Variants in BBX observed in about 807,000 individuals in gnomAD.
BBX encodes the protein HMG box transcription factor BBX.
BBX carries 30 observed loss-of-function variants against 100.2 expected under a neutral mutation model. That is an observed-to-expected ratio of 0.30 (90% CI 0.22 to 0.41). BBX has a LOEUF of 0.41. Among genes scored for constraint, BBX ranks in the 10% least tolerant of loss-of-function variants. The pLI is 1.00. For synonymous variants in BBX, 376 were observed against 388.1 expected (o/e 0.97, Z 0.37); for missense variants, 1,023 against 1,129.8 (o/e 0.91, Z 1.35).
At chr3:107,536,558 A>G (rs549666603) in intron 2 of BBX, among the ~76,000 whole-genome samples, 1 of 152,162 alleles carries the variant, frequency 6.6e-6, no homozygotes, top group Non-Finnish European at 1.5e-5. Context: ...CCTCCAAAAA[A>G]CACCATTCAC....
rs2067037386 is a variant in BBX, at chr3:107,773,122, C to G, written c.1401C>G (p.Ser467=). The change falls in exon 11 of 18, where the codon TCC becomes TCG. Residue 467 remains serine, a synonymous_variant. Transcript: ENST00000325805. This position sits in a 1 kb window ranked among gnomAD's most constrained non-coding sequence, Gnocchi z 4.1. ...TGGATCGACATGGAAATGATAAATC[C>G]ACACCCAAGAAGACTTGCAAAAAGA... ...SKMDRHGNDK[S]TPKKTCKKRQ... 1 of 1,613,744 alleles carries G rather than the reference C, an allele frequency of 6.2e-7. No homozygotes were observed. Among genetic ancestry groups the G allele is most frequent in the Non-Finnish European group, 8.5e-7 (1 of 1,179,966 alleles).
chr3:107,737,968 T>C (rs1414530425), intron 7 of BBX, among the ~76,000 whole-genome samples: 2 of 135,492 alleles, frequency 1.5e-5, no homozygotes, highest in East Asian at 5.0e-4. Context: ...AAAATTGAGA[T>C]CTGAAATGCT....
intron 3 of BBX, among the ~76,000 whole-genome samples, chr3:107,651,141 G>A (rs956822422): frequency 2.0e-5 from 3 of 152,164 alleles, no homozygotes; most frequent in Non-Finnish European, 2.9e-5. Context: ...TATGAATTTG[G>A]AGCGGGACAC....
intron 2 of BBX, among the ~76,000 whole-genome samples, chr3:107,542,690 A>C (rs989630288): frequency 3.3e-5 from 5 of 152,146 alleles, no homozygotes; most frequent in African/African-American, 1.2e-4. Flanking sequence ...TGAGGTACTG[A>C]GTTTCAGAGG....
chr3:107,577,167 A>G (rs1038913335), intron 2 of BBX, among the ~76,000 whole-genome samples: 1 of 152,128 alleles, frequency 6.6e-6, no homozygotes, highest in Non-Finnish European at 1.5e-5. Flanking sequence ...GGCTGAAGAT[A>G]TTTATTTTTT....
In BBX at chr3:107,696,844, A is replaced by G. The variant is rs541741509; in HGVS notation, c.-9-13608A>G. 4.1e-3 allele frequency among the ~76,000 whole-genome samples: 614 copies of G among 151,474 alleles called. 23 individuals are homozygous for G. Among genetic ancestry groups the G allele is most frequent in the African/African-American group, 0.014 (583 of 40,924 alleles). ...TCACTTTCAGGTACACCAATCAGAC[A>G]TAGATTTGGTCTTTTCACATAGTCC... On this transcript the variant is annotated intron_variant, in intron 3 of 17. Transcript: ENST00000325805.
At chr3:107,755,536 A>C in intron 9 of BBX, 62 bp from the exon 10 acceptor site, 2 of 1,454,436 alleles carry the variant, frequency 1.4e-6, no homozygotes, top group Non-Finnish European at 1.9e-6. Context: ...ATGTATATGA[A>C]TGAGAAGCAA....
At chr3:107,680,354 C>T (rs994883614) in intron 3 of BBX, among the ~76,000 whole-genome samples, 10 of 152,106 alleles carry the variant, frequency 6.6e-5, no homozygotes, top group African/African-American at 2.4e-4. Context: ...ATTCCAAAAT[C>T]CAAATAGGAT....
chr3:107,700,414 C>CATGATT (rs2060949538), intron 3 of BBX, among the ~76,000 whole-genome samples: 2 of 70,102 alleles, frequency 2.9e-5, no homozygotes, highest in African/African-American at 6.5e-5. Context: ...CTTTCATCAT[C>CATGATT]ATTATTATTA....
At chr3:107,744,555 G>A in intron 7 of BBX, 75 bp from the exon 8 acceptor site, 1 of 1,092,144 alleles carries the variant, frequency 9.2e-7, no homozygotes, top group Middle Eastern at 2.1e-4. Flanking sequence ...GATCGCAAAT[G>A]AAGATAGAGC....
At chr3:107,777,496 C>T (rs1223055364) in intron 12 of BBX, among the ~76,000 whole-genome samples, 1 of 152,150 alleles carries the variant, frequency 6.6e-6, no homozygotes, top group Admixed American at 6.6e-5. Context: ...TTTCCATCTA[C>T]CAGGCACAGC....
chr3:107,755,697 A>G lies in BBX; in HGVS notation c.906+19A>G, dbSNP rs757314003. Reference sequence around the variant, plus strand: ...GGCAGAGGCAAGTTCCTAAGAATATATTGAGATAAGATCTGCAGAGGTGGA... The same window carrying G: ...GGCAGAGGCAAGTTCCTAAGAATATGTTGAGATAAGATCTGCAGAGGTGGA... On this transcript the variant is annotated intron_variant, in intron 10 of 17. Coordinates refer to ENST00000325805, the MANE Select transcript of BBX (RefSeq NM_001142568.3). 6 of 1,596,294 alleles carry G rather than the reference A, an allele frequency of 3.8e-6. No individual in the cohort carries two copies. The East Asian group carries it at 6.7e-5, about 18-fold the overall frequency.
intron 2 of BBX, among the ~76,000 whole-genome samples, chr3:107,585,390 T>C (rs2052756155): frequency 6.6e-6 from 1 of 152,168 alleles, no homozygotes; most frequent in Non-Finnish European, 1.5e-5. Flanking sequence ...TGGTTATTTA[T>C]GCTAAAATAA....
At chr3:107,553,795 A>C (rs1288461797) in intron 2 of BBX, among the ~76,000 whole-genome samples, 1 of 152,208 alleles carries the variant, frequency 6.6e-6, no homozygotes, top group Non-Finnish European at 1.5e-5. Context: ...TTACTTACCC[A>C]GTTCAACTTA....
At chr3:107,524,947 C>G (rs2107269696) in intron 1 of BBX, among the ~76,000 whole-genome samples, 1 of 151,844 alleles carries the variant, frequency 6.6e-6, no homozygotes, top group East Asian at 2.0e-4. Flanking sequence ...TTCTCCCGGC[C>G]GCGGACGCCG....
chr3:107,779,616 A>T (rs1316960761), intron 13 of BBX, among the ~76,000 whole-genome samples: 1 of 152,142 alleles, frequency 6.6e-6, no homozygotes, highest in Non-Finnish European at 1.5e-5. Context: ...ATCAAATCAG[A>T]TTAATTCCAC....
At chr3:107,704,259 G>A (rs947243676) in intron 3 of BBX, among the ~76,000 whole-genome samples, 1 of 152,196 alleles carries the variant, frequency 6.6e-6, no homozygotes, top group African/African-American at 2.4e-5. Context: ...ATGTCATTCT[G>A]AGAAGTCATA....
At chr3:107,741,266 A>T (rs745692662) in intron 7 of BBX, among the ~76,000 whole-genome samples, 8 of 152,036 alleles carry the variant, frequency 5.3e-5, no homozygotes, top group Non-Finnish European at 8.8e-5. Flanking sequence ...CTTGTTTTAT[A>T]TCAGGAGGCC....
chr3:107,541,799 G>C (rs1320853005), intron 2 of BBX, among the ~76,000 whole-genome samples: 1 of 151,720 alleles, frequency 6.6e-6, no homozygotes, highest in African/African-American at 2.4e-5. Context: ...TGTTTTTAAA[G>C]AAGTATAAGC....
Sources: allele counts gnomAD v4.1 joint callset (sites outside exome capture counted in the v4.1 genomes callset), GRCh38; gene constraint gnomAD v4.1.1; non-coding constraint Gnocchi (gnomAD v3.1); transcripts MANE v1.5; gene names NCBI Gene and HGNC (gene_info 2026-07-23, HGNC 2026-07-21).